The following POMP variants were observed in gnomAD, a reference collection of about 807,000 sequenced individuals.
The protein encoded by POMP is proteasome maturation protein, also known as 2510048O06Rik.
Under a neutral mutation model 20.6 loss-of-function variants are expected in POMP, and 12 were observed. The observed-to-expected ratio is 0.58, with a 90% CI of 0.37 to 0.94. The LOEUF is 0.94. Ranked by LOEUF, POMP falls within the 40% of genes least tolerant of loss-of-function variation. The probability of loss-of-function intolerance (pLI) is 0.01; values close to 1 mark genes in which losing one functional copy is unlikely to be tolerated. For missense variants in POMP, 136 were observed against 161.1 expected (o/e 0.84, Z 0.84); for synonymous variants, 53 against 55.0 (o/e 0.96, Z 0.16).
At chr13:28,660,206 C>G (rs150705565) in intron 1 of POMP, among the ~76,000 whole-genome samples, 1 of 152,298 alleles carries the variant, frequency 6.6e-6, no homozygotes, top group East Asian at 1.9e-4. Flanking sequence ...ATTTGGAAAG[C>G]AACAATCACA....
At chr13:28,672,286 T>C (rs1884561706) in intron 4 of POMP, 53 bp from the exon 5 acceptor site, 1 of 1,333,278 alleles carries the variant, frequency 7.5e-7, no homozygotes, top group Non-Finnish European at 1.1e-6. Context: ...ATATATTCTG[T>C]CATTTTCCCC....
intron 5 of POMP, among the ~76,000 whole-genome samples, chr13:28,673,330 A>G (rs1171923139): frequency 6.6e-6 from 1 of 152,150 alleles, no homozygotes; most frequent in Non-Finnish European, 1.5e-5. Context: ...CGGCCTCCCA[A>G]AGTGCTGGGA....
chr13:28,672,578 G>A (rs535023335), intron 5 of POMP, 146 bp downstream of exon 5: 2 of 717,158 alleles, frequency 2.8e-6, no homozygotes, highest in East Asian at 2.7e-5. Flanking sequence ...AAGTTTAATG[G>A]TAGTAACTGT....
At chr13:28,659,288 G>GGCGGCA (rs1884290595) in intron 1 of POMP, 101 bp downstream of exon 1, 1 of 1,529,190 alleles carries the variant, frequency 6.5e-7, no homozygotes, top group Admixed American at 2.0e-5. Flanking sequence ...TGGCGGCGGC[G>GGCGGCA]GCGGCAGCGT....
At chr13:28,668,709 G>T in intron 4 of POMP, 135 bp downstream of exon 4, 2 of 717,348 alleles carry the variant, frequency 2.8e-6, no homozygotes, top group Non-Finnish European at 4.8e-6. Flanking sequence ...GTATGACCTT[G>T]ATTTCTACTT....
intron 3 of POMP, among the ~76,000 whole-genome samples, chr13:28,668,181 A>G (rs1884479948): frequency 6.6e-6 from 1 of 150,836 alleles, no homozygotes; most frequent in African/African-American, 2.5e-5. Flanking sequence ...GCGCTAAAAT[A>G]TGATTGTCTT....
intron 5 of POMP, among the ~76,000 whole-genome samples, chr13:28,676,553 A>G (rs900685936): frequency 1.3e-5 from 2 of 152,198 alleles, no homozygotes; most frequent in African/African-American, 4.8e-5. Context: ...GTTAAGGGTC[A>G]TGTTGATCAC....
intron 3 of POMP, among the ~76,000 whole-genome samples, chr13:28,666,264 A>G (rs1199461822): frequency 6.6e-6 from 1 of 152,216 alleles, no homozygotes; most frequent in African/African-American, 2.4e-5. Context: ...TATACTCACT[A>G]TAAGCCAGCA....
At chr13:28,664,635 T>C (rs1303777137) in intron 3 of POMP, 66 bp downstream of exon 3, 4 of 1,026,024 alleles carry the variant, frequency 3.9e-6, no homozygotes, top group Non-Finnish European at 5.8e-6. Flanking sequence ...AATATTGGTT[T>C]CATTTTATTA....
At chr13:28,677,927 A>G (rs992733510) in intron 5 of POMP, 108 bp from the exon 6 acceptor site, 19 of 1,179,242 alleles carry the variant, frequency 1.6e-5, no homozygotes, top group Non-Finnish European at 2.1e-5. Context: ...TTTGTTTTCT[A>G]TAACTTTAGG....
At position 28,678,820 on chromosome 13, in the gene POMP, G is replaced by C. The variant is rs1275817064; in HGVS notation, c.*718G>C. ...TTTATATATTACAAGATACTGTAAG[G>C]TATTCTTTATGAAGTTGATATATAA... On this transcript the variant is annotated 3_prime_UTR_variant, in exon 6 of 6. Transcript: ENST00000380842. 2.6e-5 allele frequency: 4 copies of C among 152,050 alleles called. No homozygotes were observed. Among genetic ancestry groups the C allele is most frequent in the African/African-American group, 9.7e-5 (4 of 41,406 alleles). 9.4% of individuals were successfully genotyped at this position (152,050 alleles called of 1,614,324 possible).
At chr13:28,668,813 G>T (rs1458503866) in intron 4 of POMP, among the ~76,000 whole-genome samples, 2 of 151,488 alleles carry the variant, frequency 1.3e-5, no homozygotes, top group East Asian at 1.9e-4. Context: ...TGTTTTTCTG[G>T]GTTTTTTTTT....
intron 1 of POMP, among the ~76,000 whole-genome samples, chr13:28,660,307 T>C (rs1267636014): frequency 6.6e-6 from 1 of 152,212 alleles, no homozygotes; most frequent in Non-Finnish European, 1.5e-5. Flanking sequence ...GTAGAGGCCA[T>C]ATTTGAGTAC....
intron 2 of POMP, among the ~76,000 whole-genome samples, chr13:28,663,187 ACT>A (rs1331842787): frequency 6.6e-6 from 1 of 151,930 alleles, no homozygotes; most frequent in Non-Finnish European, 1.5e-5. Flanking sequence ...ACTAGACCAT[ACT>A]CTTTGCAGGT....
At chr13:28,672,247 A>AC in intron 4 of POMP, 92 bp from the exon 5 acceptor site, 1 of 1,088,306 alleles carries the variant, frequency 9.2e-7, no homozygotes, top group South Asian at 1.3e-5. Flanking sequence ...GAATTTTCAA[A>AC]CAAAGAATAA....
intron 4 of POMP, among the ~76,000 whole-genome samples, chr13:28,671,024 G>A (rs550729766): frequency 3.7e-4 from 56 of 152,132 alleles, no homozygotes; most frequent in Non-Finnish European, 6.3e-4. Context: ...TCCAGCCTGG[G>A]CGACAAGAGC....
intron 3 of POMP, among the ~76,000 whole-genome samples, chr13:28,667,472 C>T (rs1312330157): frequency 6.6e-6 from 1 of 152,150 alleles, no homozygotes; most frequent in Non-Finnish European, 1.5e-5. Flanking sequence ...AGATCATATA[C>T]CCATAATAAA....
intron 3 of POMP, among the ~76,000 whole-genome samples, chr13:28,665,378 AAAT>A (rs1423626818): frequency 6.6e-6 from 1 of 152,260 alleles, no homozygotes; most frequent in Non-Finnish European, 1.5e-5. Context: ...AGAGTAGAAC[AAAT>A]AATGTAATTA....
intron 4 of POMP, among the ~76,000 whole-genome samples, chr13:28,670,683 A>G (rs1321739832): frequency 6.6e-6 from 1 of 152,200 alleles, no homozygotes; most frequent in Non-Finnish European, 1.5e-5. Context: ...TTTCACTGTT[A>G]GGCGTTTGCA....
Sources: gnomAD v4.1 joint callset for allele counts (sites outside exome capture counted in the v4.1 genomes callset) on GRCh38, gnomAD v4.1.1 for gene constraint, MANE v1.5 for transcripts, NCBI Gene and HGNC (gene_info 2026-07-23, HGNC 2026-07-21) for gene names.